The following NAALADL2 variants were observed in gnomAD, a reference collection of about 807,000 sequenced individuals.
NAALADL2 encodes inactive N-acetylated-alpha-linked acidic dipeptidase-like protein 2.
NAALADL2 carries 76 observed loss-of-function variants against 87.2 expected under a neutral mutation model. The observed-to-expected ratio is 0.87, with a 90% CI of 0.72 to 1.05. The LOEUF is 1.05. Ranked by LOEUF, NAALADL2 falls within the 50% of genes least tolerant of loss-of-function variation. The pLI is 0.00. For synonymous variants in NAALADL2, 354 were observed against 331.0 expected, an observed-to-expected ratio of 1.07 and a Z score of -0.75; for missense variants, 1,089 against 945.8, an observed-to-expected ratio of 1.15 and a Z score of -1.99.
chr3:174,451,842 AGTT>A (rs1430559993), intron 1 of NAALADL2, among the ~76,000 whole-genome samples: 2 of 95,840 alleles, frequency 2.1e-5, no homozygotes, highest in Admixed American at 1.2e-4. Context: ...GGATAGTGGG[AGTT>A]TTTTTTTTTT....
At chr3:174,670,342 C>G (rs942844407) in intron 2 of NAALADL2, among the ~76,000 whole-genome samples, 2 of 152,022 alleles carry the variant, frequency 1.3e-5, no homozygotes, top group African/African-American at 2.4e-5. Context: ...GTTTAATTAC[C>G]TTTTTAGCTA....
chr3:175,654,153 G>C (rs1315441609), intron 11 of NAALADL2, among the ~76,000 whole-genome samples: 2 of 152,136 alleles, frequency 1.3e-5, no homozygotes, highest in Non-Finnish European at 2.9e-5. Flanking sequence ...GACTGCATTT[G>C]CATAAAACAG....
intron 9 of NAALADL2, among the ~76,000 whole-genome samples, chr3:175,493,767 CATT>C (rs1249161332): frequency 6.6e-6 from 1 of 152,088 alleles, no homozygotes; most frequent in African/African-American, 2.4e-5. Flanking sequence ...CAAGTATTGT[CATT>C]ATGTTGTTTT....
At chr3:175,661,829 C>G (rs1732297394) in intron 11 of NAALADL2, among the ~76,000 whole-genome samples, 1 of 151,918 alleles carries the variant, frequency 6.6e-6, no homozygotes, top group Non-Finnish European at 1.5e-5. Flanking sequence ...TCTGGGTTCT[C>G]TATGCTGTTC....
At chr3:174,858,817 T>G (rs1726139458), upstream of NAALADL2, among the ~76,000 whole-genome samples, 1 of 151,980 alleles carries the variant, frequency 6.6e-6, no homozygotes, top group Non-Finnish European at 1.5e-5. Context: ...CTAGATATTA[T>G]TCTATTTTAT....
At chr3:174,877,541 C>T (rs772670291) in intron 1 of NAALADL2, among the ~76,000 whole-genome samples, 3 of 152,086 alleles carry the variant, frequency 2.0e-5, no homozygotes, top group Non-Finnish European at 4.4e-5. Flanking sequence ...AATATAACCA[C>T]TTAGCTCCAG....
Position 175,398,353 on chromosome 3 carries a change from T to G in NAALADL2, c.1091-48876T>G, listed in dbSNP as rs1029697831. 1.4e-5 allele frequency among the ~76,000 whole-genome samples: 2 copies of G among 145,766 alleles called. 1 individual carries two copies. Among genetic ancestry groups the G allele is most frequent in the African/African-American group, 4.9e-5 (2 of 40,590 alleles). ...AGTGATGCTTCTGCTACTTTTTTTTTTTTTTTTTTTTTTCCATCCTTTGCA... is the reference window on the plus strand; with the variant it reads ...AGTGATGCTTCTGCTACTTTTTTTTGTTTTTTTTTTTTTCCATCCTTTGCA... On this transcript the variant is annotated intron_variant, in intron 5 of 13. Transcript: ENST00000454872.
chr3:175,047,404 C>T (rs961156445), intron 1 of NAALADL2, among the ~76,000 whole-genome samples: 1 of 151,926 alleles, frequency 6.6e-6, no homozygotes, highest in African/African-American at 2.4e-5. Flanking sequence ...TAAATTTCTT[C>T]TCTGGTTGAT....
chr3:175,269,646 A>T (rs373362945), intron 4 of NAALADL2, among the ~76,000 whole-genome samples: 13 of 152,186 alleles, frequency 8.5e-5, no homozygotes, highest in African/African-American at 3.1e-4. Context: ...ATTCCTGTAT[A>T]AGTAGGATGG....
chr3:175,403,148 G>A (rs1193062140), intron 5 of NAALADL2, among the ~76,000 whole-genome samples: 2 of 151,998 alleles, frequency 1.3e-5, no homozygotes, highest in East Asian at 1.9e-4. Flanking sequence ...TTCCCTCAGA[G>A]GGCTTCCTGT....
At chr3:174,558,482 C>T (rs752504755) in intron 2 of NAALADL2, among the ~76,000 whole-genome samples, 6 of 152,074 alleles carry the variant, frequency 3.9e-5, no homozygotes, top group Non-Finnish European at 7.4e-5. Flanking sequence ...TGCAACTAGA[C>T]GGTCCCATCT....
At chr3:175,441,666 C>G (rs567514037) in intron 5 of NAALADL2, among the ~76,000 whole-genome samples, 7 of 87,918 alleles carry the variant, frequency 8.0e-5, no homozygotes, top group African/African-American at 3.3e-4. Flanking sequence ...GCAAGGATCT[C>G]ATGTTCACAC....
intron 3 of NAALADL2, among the ~76,000 whole-genome samples, chr3:174,803,662 G>A (rs541224921): frequency 6.6e-6 from 1 of 152,182 alleles, no homozygotes; most frequent in Non-Finnish European, 1.5e-5. Context: ...TGTAAGGAAG[G>A]AATCCAGTTT....
intron 1 of NAALADL2, among the ~76,000 whole-genome samples, chr3:174,495,638 A>C (rs1718483416): frequency 7.4e-6 from 1 of 135,482 alleles, no homozygotes; most frequent in Admixed American, 7.8e-5. Context: ...GGGCAATGTA[A>C]ATGGACTCGT....
chr3:175,564,176 T>C (rs1716735607), intron 9 of NAALADL2, among the ~76,000 whole-genome samples: 1 of 152,040 alleles, frequency 6.6e-6, no homozygotes, highest in Non-Finnish European at 1.5e-5. Context: ...TTAAACGAAT[T>C]ACCTCTAAAA....
intron 3 of NAALADL2, among the ~76,000 whole-genome samples, chr3:174,747,811 T>C (rs1243097476): frequency 1.3e-5 from 2 of 151,972 alleles, no homozygotes; most frequent in Non-Finnish European, 2.9e-5. Context: ...CATTATAGGG[T>C]ATATAATCAA....
At chr3:174,959,392 G>A (rs1184513355) in intron 1 of NAALADL2, among the ~76,000 whole-genome samples, 1 of 151,992 alleles carries the variant, frequency 6.6e-6, no homozygotes, top group Non-Finnish European at 1.5e-5. Context: ...GATACTTTGT[G>A]CCATTGTGCT....
chr3:174,925,918 A>C (rs1735950616), intron 1 of NAALADL2, among the ~76,000 whole-genome samples: 1 of 152,148 alleles, frequency 6.6e-6, no homozygotes, highest in Non-Finnish European at 1.5e-5. Flanking sequence ...TGAGCTAAAG[A>C]AGAAAGTTCG....
intron 2 of NAALADL2, among the ~76,000 whole-genome samples, chr3:174,558,713 C>T (rs1379382863): frequency 6.6e-6 from 1 of 152,146 alleles, no homozygotes; most frequent in African/African-American, 2.4e-5. Context: ...TGCTGTTCAC[C>T]TCCTGCTGTG....
Sources: gnomAD v4.1 joint callset for allele counts (sites outside exome capture counted in the v4.1 genomes callset) on GRCh38, gnomAD v4.1.1 for gene constraint, MANE v1.5 for transcripts, NCBI Gene and HGNC (gene_info 2026-07-23, HGNC 2026-07-21) for gene names.